AIG1: variants seen among roughly 807,000 people sequenced by gnomAD.
The protein encoded by AIG1 is androgen-induced gene 1 protein.
AIG1 carries 23 observed loss-of-function variants against 31.4 expected under a neutral mutation model. The ratio of observed to expected loss-of-function variants is 0.73; its 90% CI spans 0.53 to 1.04. The LOEUF is 1.04. Ranked by LOEUF, AIG1 falls within the 50% of genes least tolerant of loss-of-function variation. The pLI is 0.00. For synonymous variants in AIG1, 100 were observed against 110.5 expected, an observed-to-expected ratio of 0.90 and a Z score of 0.60; for missense variants, 274 against 295.0, an observed-to-expected ratio of 0.93 and a Z score of 0.52.
At chr6:143,278,081 A>C (rs1181338677) in intron 3 of AIG1, among the ~76,000 whole-genome samples, 1 of 152,140 alleles carries the variant, frequency 6.6e-6, no homozygotes, top group East Asian at 1.9e-4. Flanking sequence ...ATAGTCCAAA[A>C]TTTTCCCCAG....
At chr6:143,176,335 A>G (rs987618293) in intron 3 of AIG1, among the ~76,000 whole-genome samples, 26 of 152,162 alleles carry the variant, frequency 1.7e-4, no homozygotes, top group Admixed American at 3.3e-4. Context: ...TATAGGGAGG[A>G]TATAAACTTA....
chr6:143,317,487 G>A, intron 4 of AIG1, among the ~76,000 whole-genome samples: 1 of 152,128 alleles, frequency 6.6e-6, no homozygotes, highest in Middle Eastern at 3.4e-3. Context: ...AGCAAAATTG[G>A]CATTGAAGGG....
intron 3 of AIG1, among the ~76,000 whole-genome samples, chr6:143,230,584 T>G (rs561733104): frequency 3.8e-4 from 57 of 149,976 alleles, no homozygotes; most frequent in Middle Eastern, 3.6e-3. Context: ...TAGTATAATA[T>G]TAACTGTTAT....
intron 1 of AIG1, among the ~76,000 whole-genome samples, chr6:143,122,210 T>C (rs763940126): frequency 1.3e-5 from 2 of 152,168 alleles, no homozygotes; most frequent in Non-Finnish European, 2.9e-5. Context: ...TTAATACCTG[T>C]TGGAACTTCT....
intron 3 of AIG1, among the ~76,000 whole-genome samples, chr6:143,255,964 A>G (rs1409465342): frequency 1.6e-4 from 25 of 152,150 alleles, no homozygotes; most frequent in Admixed American, 1.6e-3. Context: ...TGGTTGAAGA[A>G]CATGTTTTCC....
In AIG1 at chr6:143,328,224, G is replaced by A. The variant is rs1401602883; in HGVS notation, c.516-5058G>A. On this transcript the variant is annotated intron_variant, in intron 4 of 5. Transcript: ENST00000357847. The surrounding 1 kb of genome is among the most constrained non-coding windows in gnomAD (Gnocchi z 4.0). ...AAGAAGAGATGCCAGACTGCTGTGG[G>A]TGAAAGTGAGTACAATGTACAGATA... is the stretch of plus-strand genomic sequence containing the variant. Among the ~76,000 whole-genome samples, 1 of 152,194 alleles carries A rather than the reference G, an allele frequency of 6.6e-6. No individual in the cohort carries two copies. The highest frequency in any genetic ancestry group is 6.5e-5 in the Admixed American group (1 of 15,274).
At chr6:143,078,912 G>A (rs1423430007) in intron 1 of AIG1, among the ~76,000 whole-genome samples, 2 of 152,182 alleles carry the variant, frequency 1.3e-5, no homozygotes, top group African/African-American at 2.4e-5. Context: ...AACCAACCAA[G>A]TTTCCTTTTT....
chr6:143,062,386 T>C (rs1776334531), intron 1 of AIG1, among the ~76,000 whole-genome samples: 1 of 152,200 alleles, frequency 6.6e-6, no homozygotes, highest in Non-Finnish European at 1.5e-5. Context: ...ACATGCGTGA[T>C]GCCTGCCAGT....
chr6:143,189,022 C>T, intron 3 of AIG1: 1 of 983,874 alleles, frequency 1.0e-6, no homozygotes, highest in Non-Finnish European at 1.2e-6. Context: ...GTTTGCACAA[C>T]TGTTCACATT....
chr6:143,177,806 C>T (rs752241856), intron 3 of AIG1, among the ~76,000 whole-genome samples: 1 of 152,198 alleles, frequency 6.6e-6, no homozygotes, highest in Non-Finnish European at 1.5e-5. Context: ...CAGCCCTGGA[C>T]AGCTGGTCCT....
intron 1 of AIG1, among the ~76,000 whole-genome samples, chr6:143,070,004 C>G (rs72988562): frequency 0.039 from 5,974 of 152,296 alleles, 154 homozygotes; most frequent in African/African-American, 0.067. Context: ...ATTTGTGTGT[C>G]TGTTTCTGGA....
chr6:143,164,495 TC>T (rs953575303), intron 2 of AIG1, among the ~76,000 whole-genome samples: 1 of 152,188 alleles, frequency 6.6e-6, no homozygotes, highest in Non-Finnish European at 1.5e-5. Flanking sequence ...TCCTTTACCC[TC>T]CATGGACCCA....
At chr6:143,198,195 A>G (rs538444320) in intron 3 of AIG1, among the ~76,000 whole-genome samples, 2 of 152,368 alleles carry the variant, frequency 1.3e-5, no homozygotes, top group East Asian at 3.9e-4. Flanking sequence ...TTCTATGAAC[A>G]GCTATCATTC....
intron 1 of AIG1, among the ~76,000 whole-genome samples, chr6:143,109,782 A>AT (rs1340173650): frequency 2.0e-5 from 3 of 152,036 alleles, no homozygotes; most frequent in African/African-American, 7.2e-5. Flanking sequence ...AAATTTGTTC[A>AT]TTTTCAGTTA....
intron 1 of AIG1, among the ~76,000 whole-genome samples, chr6:143,079,200 G>A (rs1777992894): frequency 1.3e-5 from 2 of 151,952 alleles, no homozygotes; most frequent in Admixed American, 1.3e-4. Flanking sequence ...ATTTTTCTTG[G>A]GGTTTTAGGT....
At chr6:143,113,602 CA>C (rs200708219) in intron 1 of AIG1, among the ~76,000 whole-genome samples, 52 of 106,816 alleles carry the variant, frequency 4.9e-4, no homozygotes, top group South Asian at 1.1e-3. Flanking sequence ...GACTCCATCT[CA>C]AAAAAAAAAA....
intron 3 of AIG1, among the ~76,000 whole-genome samples, chr6:143,245,986 A>G (rs980205948): frequency 6.6e-6 from 1 of 152,154 alleles, no homozygotes; most frequent in Non-Finnish European, 1.5e-5. Flanking sequence ...CATAAAATAC[A>G]CTAACACTAA....
At chr6:143,189,616 C>G (rs1424012106) in intron 3 of AIG1, 1 of 985,076 alleles carries the variant, frequency 1.0e-6, no homozygotes, top group Admixed American at 6.2e-5. Flanking sequence ...ATTGTTTTAC[C>G]CTACTATCTT....
At chr6:143,079,779 CTTTTTTTT>C (rs78637706) in intron 1 of AIG1, among the ~76,000 whole-genome samples, 3 of 106,972 alleles carry the variant, frequency 2.8e-5, no homozygotes, top group African/African-American at 1.1e-4. Context: ...GGATAGATTC[CTTTTTTTT>C]TTTTTTTTTT....
Sources: allele counts gnomAD v4.1 joint callset (sites outside exome capture counted in the v4.1 genomes callset), GRCh38; gene constraint gnomAD v4.1.1; non-coding constraint Gnocchi (gnomAD v3.1); transcripts MANE v1.5; gene names NCBI Gene and HGNC (gene_info 2026-07-23, HGNC 2026-07-21).